ANKRD30A: variants seen among roughly 807,000 people sequenced by gnomAD.
ANKRD30A encodes the protein ankyrin repeat domain 30A.
Under a neutral mutation model 166.3 loss-of-function variants are expected in ANKRD30A, and 170 were observed. The ratio of observed to expected loss-of-function variants is 1.02; its 90% CI spans 0.90 to 1.16. The LOEUF (loss-of-function observed/expected upper bound fraction) is 1.16, where lower values mean the gene tolerates loss of function less well. Ranked by LOEUF, ANKRD30A falls within the 50% of genes most tolerant of loss-of-function variation. The probability of loss-of-function intolerance (pLI) is 0.00; values close to 1 mark genes in which losing one functional copy is unlikely to be tolerated. For missense variants in ANKRD30A, 1,630 were observed against 1,518.0 expected, an observed-to-expected ratio of 1.07 and a Z score of -1.23; for synonymous variants, 564 against 508.9, an observed-to-expected ratio of 1.11 and a Z score of -1.46.
At chr10:37,150,202 G>A (rs1837821323) in intron 11 of ANKRD30A, among the ~76,000 whole-genome samples, 1 of 151,912 alleles carries the variant, frequency 6.6e-6, no homozygotes, top group Non-Finnish European at 1.5e-5. Context: ...TTTACTTCGG[G>A]GATCACGTCT....
chr10:37,193,023 A>G (rs201379498), intron 25 of ANKRD30A, 41 bp from the exon 26 acceptor site: 1 of 1,600,860 alleles, frequency 6.2e-7, no homozygotes, highest in South Asian at 1.1e-5. Flanking sequence ...GGCTTTGTCA[A>G]GCTTGCATAC....
At chr10:37,210,820 T>C (rs1842264844) in intron 31 of ANKRD30A, among the ~76,000 whole-genome samples, 1 of 152,170 alleles carries the variant, frequency 6.6e-6, no homozygotes, top group Non-Finnish European at 1.5e-5. Flanking sequence ...GGTTGTTTGT[T>C]TTTTCCTTGT....
intron 34 of ANKRD30A, among the ~76,000 whole-genome samples, chr10:37,224,350 ATT>A (rs1039028102): frequency 6.7e-6 from 1 of 150,270 alleles, no homozygotes; most frequent in Admixed American, 6.7e-5. Flanking sequence ...AGTCTCTTTG[ATT>A]TTTTTTAGTT....
chr10:37,217,830 C>G lies in ANKRD30A; in HGVS notation c.3219C>G (p.Leu1073=), dbSNP rs764233373. 4.4e-6 allele frequency: 7 copies of G among 1,599,434 alleles called. No individual in the cohort carries two copies. Among genetic ancestry groups the G allele is most frequent in the Non-Finnish European group, 6.0e-6 (7 of 1,172,448 alleles). Residue 1073 remains leucine (L), a synonymous_variant, in exon 33 of 36, where the codon CTC becomes CTG. Coordinates refer to ENST00000361713, the MANE Select transcript of ANKRD30A (RefSeq NM_052997.3). ...LEVKQQLEQA[L]RIQDIELKSV... ...TGAAACAACAACTTGAACAGGCTCT[C>G]AGAATACAAGATATAGAATTGAAGA... is the stretch of plus-strand genomic sequence containing the variant.
chr10:37,154,638 G>A (rs987857203), intron 13 of ANKRD30A, among the ~76,000 whole-genome samples: 2 of 152,136 alleles, frequency 1.3e-5, no homozygotes, highest in African/African-American at 4.8e-5. Flanking sequence ...GGTGTTGAAT[G>A]GGAAGAACCA....
intron 8 of ANKRD30A, among the ~76,000 whole-genome samples, chr10:37,146,957 C>T (rs1767345): frequency 0.46 from 69,930 of 151,652 alleles, 16,340 homozygotes; most frequent in Non-Finnish European, 0.48. Context: ...TATATAACTA[C>T]CTCTAATATT....
rs187383431 is a variant in ANKRD30A at position 37,197,527 on chromosome 10, A to G, written c.2716+47A>G. 3.6e-4 allele frequency: 574 copies of G among 1,608,628 alleles called. 3 individuals are homozygous for G. The African/African-American group carries it at 5.1e-3, about 14-fold the overall frequency. On this transcript the variant is annotated intron_variant, in intron 29 of 35. Transcript: ENST00000361713. Reference sequence around the variant, plus strand: ...TGCGAAGACCAATATTTCAATATTGAACATTTTGATGGTCTTTCTATCCCC... The same window carrying G: ...TGCGAAGACCAATATTTCAATATTGGACATTTTGATGGTCTTTCTATCCCC...
At chr10:37,260,782 AC>A in the ANKRD30A span, among the ~76,000 whole-genome samples, 10 of 152,182 alleles carry the variant, frequency 6.6e-5, no homozygotes, top group African/African-American at 2.4e-4. Context: ...ACAAATCTGG[AC>A]TGAGTATAAA....
intron 27 of ANKRD30A, 120 bp downstream of exon 27, chr10:37,193,378 C>G (rs1840765572): frequency 1.6e-6 from 2 of 1,234,678 alleles, no homozygotes; most frequent in African/African-American, 1.5e-5. Flanking sequence ...AATTTCGATA[C>G]AAATAATGCC....
chr10:37,197,638 C>T (rs909890527), intron 29 of ANKRD30A, among the ~76,000 whole-genome samples, 158 bp downstream of exon 29: 1 of 152,016 alleles, frequency 6.6e-6, no homozygotes, highest in Non-Finnish European at 1.5e-5. Flanking sequence ...GCTGGTATTA[C>T]AAGCACAGTA....
chr10:37,231,296 T>C (rs570096619), intron 34 of ANKRD30A, among the ~76,000 whole-genome samples, 165 bp from the exon 35 acceptor site: 63 of 152,178 alleles, frequency 4.1e-4, no homozygotes, highest in African/African-American at 1.4e-3. Context: ...AAACCTATAA[T>C]TGCATACACT....
intron 18 of ANKRD30A, among the ~76,000 whole-genome samples, chr10:37,165,959 A>G (rs1839294800): frequency 2.0e-5 from 3 of 152,116 alleles, no homozygotes; most frequent in Admixed American, 6.6e-5. Flanking sequence ...AGACGTTAAT[A>G]CTTGTTTTCT....
At position 37,127,046 on chromosome 10, in the gene ANKRD30A, CAAAAAAAAAAAAAAAAA is replaced by C. The variant is rs71007622; in HGVS notation, c.221+1061_221+1077del. 3.1e-3 allele frequency among the ~76,000 whole-genome samples: 51 copies of C among 16,502 alleles called. 1 individual carries two copies. The highest frequency in any genetic ancestry group is 0.03 in the East Asian group (5 of 168). 10.8% of individuals were successfully genotyped at this position (16,502 alleles called of 152,430 possible). ...TAGGTGATAGAGTGAAACTCTGTCT[CAAAAAAAAAAAAAAAAA>C]AAAAAAAAAAAAAAAAAAAAAATCA... On this transcript the variant is annotated intron_variant, in intron 1 of 35. Transcript: ENST00000361713.
intron 6 of ANKRD30A, among the ~76,000 whole-genome samples, chr10:37,137,219 A>G (rs541692841): frequency 1.3e-5 from 2 of 152,326 alleles, no homozygotes; most frequent in South Asian, 2.1e-4. Context: ...ACATCTAATC[A>G]TGAAAAGTAG....
chr10:37,250,234 A>G, the ANKRD30A span, among the ~76,000 whole-genome samples: 12 of 152,276 alleles, frequency 7.9e-5, no homozygotes, highest in Admixed American at 1.3e-4. Context: ...ATAAAAGAAC[A>G]TAGTTTAGTA....
At chr10:37,230,349 T>C (rs1843364700) in intron 34 of ANKRD30A, among the ~76,000 whole-genome samples, 1 of 152,018 alleles carries the variant, frequency 6.6e-6, no homozygotes, top group Non-Finnish European at 1.5e-5. Context: ...AACTAGATAA[T>C]ATAATTATGG....
intron 6 of ANKRD30A, 103 bp from the exon 7 acceptor site, chr10:37,141,615 T>C: frequency 7.0e-7 from 1 of 1,423,024 alleles, no homozygotes; most frequent in African/African-American, 1.5e-5. Flanking sequence ...AGTTTGGTAG[T>C]ATTTAAGGAA....
chr10:37,126,042 G>A (rs1415106379), intron 1 of ANKRD30A, 34 bp downstream of exon 1: 15 of 1,608,914 alleles, frequency 9.3e-6, no homozygotes, highest in Non-Finnish European at 1.3e-5. Flanking sequence ...GGCTGCAGGA[G>A]GAGGTGGGGG....
intron 11 of ANKRD30A, 61 bp from the exon 12 acceptor site, chr10:37,151,999 T>G: frequency 1.4e-6 from 2 of 1,435,496 alleles, no homozygotes; most frequent in Middle Eastern, 1.8e-4. Context: ...TTTGTATATG[T>G]TTTTAAAATT....
Sources: allele counts gnomAD v4.1 joint callset (sites outside exome capture counted in the v4.1 genomes callset), GRCh38; gene constraint gnomAD v4.1.1; transcripts MANE v1.5; gene names NCBI Gene and HGNC (gene_info 2026-07-23, HGNC 2026-07-21).